The following TEX15 variants were observed in gnomAD, a reference collection of about 807,000 sequenced individuals.
The protein encoded by TEX15 is testis-expressed protein 15.
TEX15 carries 171 observed loss-of-function variants against 237.3 expected under a neutral mutation model. The observed-to-expected ratio is 0.72, with a 90% confidence interval of 0.64 to 0.82. TEX15 has a LOEUF of 0.82. Ranked by LOEUF, TEX15 falls within the 40% of genes least tolerant of loss-of-function variation. The probability of loss-of-function intolerance (pLI) is 0.00; values close to 1 mark genes in which losing one functional copy is unlikely to be tolerated. For synonymous variants in TEX15, 1,338 were observed against 1,269.8 expected, an observed-to-expected ratio of 1.05 and a Z score of -1.14; for missense variants, 3,750 against 3,646.5, an observed-to-expected ratio of 1.03 and a Z score of -0.73.
At position 30,842,933 on chromosome 8, in the gene TEX15, T is replaced by C. The variant is rs778293112; in HGVS notation, c.7234A>G (p.Asn2412Asp). The C allele has an allele frequency of 3.1e-6, 5 of 1,610,312 alleles. No individual in the cohort carries two copies. Among genetic ancestry groups the C allele is most frequent in the Non-Finnish European group, 4.2e-6 (5 of 1,178,256 alleles). The change falls in exon 8 of 11, where the codon AAC becomes GAC. Residue 2412 changes from asparagine (N) to aspartate (D), a missense_variant. Physicochemically the swap from Asn to Asp is conservative, Grantham distance 23. Transcript: ENST00000643185. ...TCTGTGATAAAAATATTATCCATGT[T>C]ATTATCTTGTAGCATCTGAAAGTAT... The part of the protein sequence containing the change: ...KKYFQMLQDN[N>D]MDNIFITEEN...
chr8:30,844,010 C>T lies in TEX15; in HGVS notation c.6157G>A (p.Val2053Ile), dbSNP rs772381204. The T allele has an allele frequency of 6.2e-7, 1 of 1,611,970 alleles. No individual in the cohort carries two copies. The highest frequency in any genetic ancestry group is 2.2e-5 in the East Asian group (1 of 44,862). Reference protein sequence around the residue: ...EQILISRELLVDQNLWNNCKH... With the variant: ...EQILISRELLIDQNLWNNCKH... ...CAATTATTCCACAGGTTTTGGTCTACCAACAGTTCTCTTGAAATCAGGATT... is the reference window on the plus strand; with the variant it reads ...CAATTATTCCACAGGTTTTGGTCTATCAACAGTTCTCTTGAAATCAGGATT... Residue 2053 changes from valine to isoleucine, a missense_variant, in exon 8 of 11, where the codon GTA (valine) becomes ATA (isoleucine). By Grantham distance (29) the Val-to-Ile change is conservative (BLOSUM62 3). Transcript: ENST00000643185.
intron 3 of TEX15, among the ~76,000 whole-genome samples, chr8:30,878,993 T>G (rs1007511801): frequency 4.6e-4 from 70 of 152,236 alleles, no homozygotes; most frequent in African/African-American, 1.6e-3. Context: ...TAGTTACATC[T>G]CATTGTGGTT....
intron 5 of TEX15, among the ~76,000 whole-genome samples, chr8:30,866,726 T>TACAC (rs148604518): frequency 6.4e-4 from 96 of 149,040 alleles, no homozygotes; most frequent in South Asian, 1.3e-3. Flanking sequence ...GACACACACA[T>TACAC]ACACACACAC....
chr8:30,904,110 G>A (rs1287693615), intron 1 of TEX15, among the ~76,000 whole-genome samples: 1 of 152,104 alleles, frequency 6.6e-6, no homozygotes. Flanking sequence ...AACTTTCAAG[G>A]GAATTAATAA....
chr8:30,836,733 T>G (rs1807308915), intron 10 of TEX15, 70 bp downstream of exon 10: 1 of 1,347,734 alleles, frequency 7.4e-7, no homozygotes, highest in African/African-American at 1.5e-5. Context: ...TACTGTGAAT[T>G]TCACTTACAT....
chr8:30,911,785 G>A (rs1179718056), intron 1 of TEX15, among the ~76,000 whole-genome samples: 1 of 152,098 alleles, frequency 6.6e-6, no homozygotes, highest in Non-Finnish European at 1.5e-5. Flanking sequence ...GCCTCAAACC[G>A]AGCATTCCAA....
chr8:30,889,945 A>ACG (rs1158195750), intron 2 of TEX15, among the ~76,000 whole-genome samples: 102 of 130,902 alleles, frequency 7.8e-4, no homozygotes, highest in African/African-American at 3.2e-3. Flanking sequence ...ATATATATAT[A>ACG]TATATATACA....
At chr8:30,910,602 C>T (rs535536092) in intron 1 of TEX15, among the ~76,000 whole-genome samples, 3 of 148,590 alleles carry the variant, frequency 2.0e-5, no homozygotes, top group Admixed American at 6.8e-5. Flanking sequence ...TGCACCACCA[C>T]GCCTGGCCTT....
chr8:30,846,485 C>G lies in TEX15; in HGVS notation c.3682G>C (p.Glu1228Gln). The G allele has an allele frequency of 6.2e-7, 1 of 1,613,466 alleles. No homozygotes were observed. Among genetic ancestry groups the G allele is most frequent in the Non-Finnish European group, 8.5e-7 (1 of 1,179,736 alleles). ...TCAGAGTTACTCACTGGCCCTGATT[C>G]TTGCCTTATATTATCAACTTTATCT... is the stretch of plus-strand genomic sequence containing the variant. Reference protein sequence around the residue: ...CEDKVDNIRQESGPVSNSEIS... With the variant: ...CEDKVDNIRQQSGPVSNSEIS... Residue 1228 changes from glutamate to glutamine, a missense_variant, in exon 8 of 11, where the codon GAA (glutamate) becomes CAA (glutamine). Physicochemically the swap from Glu to Gln is conservative, Grantham distance 29 (BLOSUM62 2). Coordinates refer to ENST00000643185, the MANE Select transcript of TEX15 (RefSeq NM_001350162.2).
intron 7 of TEX15, among the ~76,000 whole-genome samples, chr8:30,854,668 CA>C (rs1807868838): frequency 6.6e-6 from 1 of 152,012 alleles, no homozygotes; most frequent in African/African-American, 2.4e-5. Flanking sequence ...AACCTACCAC[CA>C]AAACCAGACA....
intron 7 of TEX15, among the ~76,000 whole-genome samples, 199 bp downstream of exon 7, chr8:30,858,469 A>C (rs1427239822): frequency 1.3e-5 from 2 of 151,970 alleles, no homozygotes; most frequent in African/African-American, 2.4e-5. Flanking sequence ...ACAACACCAC[A>C]CCTGGCTAAC....
At position 30,902,208 on chromosome 8, in the gene TEX15, T is replaced by C. The variant is rs192054240; in HGVS notation, c.-85-3391A>G. Among the ~76,000 whole-genome samples, 92 of 151,990 alleles carry C rather than the reference T, an allele frequency of 6.1e-4. 1 individual carries two copies. In the East Asian group the frequency reaches 0.015, roughly 25 times the overall value. Reference sequence around the variant, plus strand: ...CATCTAATCAGGTATATAAGAACTATTTTTTCCTTTTCCTCCTTTTTTTTT... The same window carrying C: ...CATCTAATCAGGTATATAAGAACTACTTTTTCCTTTTCCTCCTTTTTTTTT... On this transcript the variant is annotated intron_variant, in intron 1 of 10. Transcript: ENST00000643185.
In TEX15 at chr8:30,847,915, CCCAATTTCAGTT is replaced by C; in HGVS notation, c.2240_2251del (p.Glu747_Leu750del). On this transcript the variant is annotated inframe_deletion, in exon 8 of 11. Coordinates refer to ENST00000643185, the MANE Select transcript of TEX15 (RefSeq NM_001350162.2). ...GCTAGCATAATTTTGATTTATTTTC[CCCAATTTCAGTT>C]CCATTAGCTTTTGAGCAATGGCTAA... The C allele has an allele frequency of 6.2e-7, 1 of 1,613,762 alleles. No individual in the cohort carries two copies. The highest frequency in any genetic ancestry group is 8.5e-7 in the Non-Finnish European group (1 of 1,179,916).
rs1468484065 is a variant in TEX15 at position 30,848,673 on chromosome 8, G to A, written c.1494C>T (p.Cys498=). The A allele has an allele frequency of 1.9e-6, 3 of 1,614,034 alleles. No homozygotes were observed. The highest frequency in any genetic ancestry group is 4.5e-5 in the East Asian group (2 of 44,896). The change falls in exon 8 of 11, where the codon TGC becomes TGT. Residue 498 remains cysteine (C), a synonymous_variant. Transcript: ENST00000643185. ...AVLTNGLDTP[C]FKTSVNDSQS... is the part of the protein sequence containing the mutation. Reference sequence around the variant, plus strand: ...GTGAATCATTAACAGAAGTTTTAAAGCAAGGGGTATCCAAACCATTAGTAA... The same window carrying A: ...GTGAATCATTAACAGAAGTTTTAAAACAAGGGGTATCCAAACCATTAGTAA...
chr8:30,889,955 A>G (rs1034859236), intron 2 of TEX15, among the ~76,000 whole-genome samples: 15 of 108,592 alleles, frequency 1.4e-4, no homozygotes, highest in African/African-American at 4.8e-4. Context: ...ATATATATAC[A>G]TATATATATA....
chr8:30,844,669 C>G lies in TEX15; in HGVS notation c.5498G>C (p.Cys1833Ser). ...DNVKGSSSET[C>S]IVKKDTEDRI... The stretch of plus-strand genomic sequence containing the variant: ...GTCCTCAGTGTCTTTCTTCACAATA[C>G]ATGTTTCTGAAGAGGAGCCTTTTAC... Residue 1833 changes from cysteine (C) to serine (S), a missense_variant, in exon 8 of 11, where the codon TGT becomes TCT. Physicochemically the swap from Cys to Ser is moderately radical, Grantham distance 112. Transcript: ENST00000643185. 6.2e-7 allele frequency: 1 copy of G among 1,613,272 alleles called. No individual in the cohort carries two copies. The highest frequency in any genetic ancestry group is 1.7e-5 in the Admixed American group (1 of 59,936).
intron 1 of TEX15, among the ~76,000 whole-genome samples, chr8:30,912,238 C>A (rs1411404311): frequency 6.6e-6 from 1 of 152,166 alleles, no homozygotes; most frequent in Non-Finnish European, 1.5e-5. Flanking sequence ...ATGAGGCGCG[C>A]GGACTGCCAG....
Position 30,846,204 on chromosome 8 carries a change from A to G in TEX15, c.3963T>C (p.His1321=). 6.2e-7 allele frequency: 1 copy of G among 1,613,132 alleles called. No individual in the cohort carries two copies. Among genetic ancestry groups the G allele is most frequent in the Non-Finnish European group, 8.5e-7 (1 of 1,179,596 alleles). The change falls in exon 8 of 11, where the codon CAT becomes CAC. Residue 1321 remains histidine, a synonymous_variant. Transcript: ENST00000643185. Reference sequence around the variant, plus strand: ...GCCTCCTCTTTCTCCCATAAATTTTATGTCGTCTTAAATCTTTATGTGGTA... The same window carrying G: ...GCCTCCTCTTTCTCCCATAAATTTTGTGTCGTCTTAAATCTTTATGTGGTA... ...QNIPHKDLRR[H]KIYGRKRRLT...
intron 3 of TEX15, among the ~76,000 whole-genome samples, chr8:30,879,688 G>A (rs1808477543): frequency 6.6e-6 from 1 of 152,140 alleles, no homozygotes; most frequent in African/African-American, 2.4e-5. Context: ...ATATGCTAAG[G>A]CTTAACAGTG....
Sources: gnomAD v4.1 joint callset for allele counts (sites outside exome capture counted in the v4.1 genomes callset) on GRCh38, gnomAD v4.1.1 for gene constraint, MANE v1.5 for transcripts, NCBI Gene and HGNC (gene_info 2026-07-23, HGNC 2026-07-21) for gene names.